SLC25A13: variants seen among roughly 807,000 people sequenced by gnomAD.
SLC25A13 encodes electrogenic aspartate/glutamate antiporter SLC25A13, mitochondrial.
A neutral mutation model predicts 85.5 loss-of-function variants in SLC25A13; 70 were observed. The observed-to-expected ratio is 0.82, with a 90% CI of 0.68 to 1.00. The LOEUF (loss-of-function observed/expected upper bound fraction) is 1.00. Among genes scored for constraint, SLC25A13 ranks in the 50% least tolerant of loss-of-function variants. SLC25A13 has a pLI of 0.00. For synonymous variants in SLC25A13, 259 were observed against 288.7 expected, an observed-to-expected ratio of 0.90 and a Z score of 1.04; for missense variants, 765 against 819.8, an observed-to-expected ratio of 0.93 and a Z score of 0.82.
intron 1 of SLC25A13, among the ~76,000 whole-genome samples, chr7:96,310,453 CA>C (rs2094609923): frequency 6.6e-6 from 1 of 152,218 alleles, no homozygotes; most frequent in Admixed American, 6.5e-5. Context: ...TGCATAATAT[CA>C]GTCGGTAACA....
chr7:96,190,415 C>T (rs1794802027), intron 7 of SLC25A13, among the ~76,000 whole-genome samples: 1 of 151,714 alleles, frequency 6.6e-6, no homozygotes, highest in East Asian at 2.0e-4. Flanking sequence ...AATCCCATTA[C>T]AATGCTGATA....
At chr7:96,301,388 A>G (rs1799542504) in intron 1 of SLC25A13, among the ~76,000 whole-genome samples, 1 of 152,160 alleles carries the variant, frequency 6.6e-6, no homozygotes, top group African/African-American at 2.4e-5. Flanking sequence ...TTTCTTTATG[A>G]TTCTTCTTCT....
chr7:96,146,597 G>C lies in SLC25A13; in HGVS notation c.1411C>G (p.Leu471Val), dbSNP rs1379185703. ...AACCCCAGGTCCCGCACGACAGACAGAGCACTGACTCGAGGACCAGTGGTG... is the reference window on the plus strand; with the variant it reads ...AACCCCAGGTCCCGCACGACAGACACAGCACTGACTCGAGGACCAGTGGTG... Reference protein sequence around the residue: ...EITTGPRVSALSVVRDLGFFG... With the variant: ...EITTGPRVSAVSVVRDLGFFG... Residue 471 changes from leucine to valine, a missense_variant, in exon 14 of 18, where the codon CTG becomes GTG. Physicochemically the swap from Leu to Val is conservative, Grantham distance 32 (BLOSUM62 1). Coordinates refer to ENST00000265631, the MANE Select transcript of SLC25A13 (RefSeq NM_014251.3). The C allele has an allele frequency of 1.2e-6, 2 of 1,613,502 alleles. No homozygotes were observed. Among genetic ancestry groups the C allele is most frequent in the African/African-American group, 2.7e-5 (2 of 74,726 alleles).
At chr7:96,193,781 C>T (rs1794950583) in intron 5 of SLC25A13, among the ~76,000 whole-genome samples, 1 of 152,144 alleles carries the variant, frequency 6.6e-6, no homozygotes, top group South Asian at 2.1e-4. Context: ...ACAAGTAGCC[C>T]CTTCCCTCTA....
chr7:96,296,835 T>C (rs906794967), intron 2 of SLC25A13, 63 bp downstream of exon 2: 77 of 1,464,250 alleles, frequency 5.3e-5, no homozygotes, highest in African/African-American at 7.0e-5. Flanking sequence ...TGTTTGAAAA[T>C]AATATTTAAA....
chr7:96,303,514 A>G (rs1799629300), intron 1 of SLC25A13, among the ~76,000 whole-genome samples: 1 of 152,184 alleles, frequency 6.6e-6, no homozygotes, highest in South Asian at 2.1e-4. Flanking sequence ...ACTTAGAAGC[A>G]GGGGCCCACC....
chr7:96,134,793 T>TTTTATATATATATATATA (rs940988441), intron 14 of SLC25A13, among the ~76,000 whole-genome samples: 1 of 102,250 alleles, frequency 9.8e-6, no homozygotes, highest in African/African-American at 4.1e-5. Flanking sequence ...ACAAACAATT[T>TTTTATATATATATATATA]TATATATATA....
intron 3 of SLC25A13, among the ~76,000 whole-genome samples, chr7:96,263,124 TTGCCTCTC>T (rs1194819085): frequency 6.6e-6 from 1 of 152,088 alleles, no homozygotes; most frequent in Non-Finnish European, 1.5e-5. Flanking sequence ...CCAAGCTTCC[TTGCCTCTC>T]TGCAAAGATC....
chr7:96,184,182 A>T, intron 11 of SLC25A13, 95 bp downstream of exon 11: 1 of 1,445,848 alleles, frequency 6.9e-7, no homozygotes, highest in Non-Finnish European at 9.7e-7. Context: ...TTTCCATTTT[A>T]ACGCAGTCTT....
intron 3 of SLC25A13, among the ~76,000 whole-genome samples, chr7:96,263,346 T>C (rs1797928935): frequency 6.6e-6 from 1 of 152,206 alleles, no homozygotes; most frequent in Non-Finnish European, 1.5e-5. Context: ...TAGAATTCAG[T>C]GTATAGTGAC....
chr7:96,168,122 A>AGG (rs1793842882), intron 13 of SLC25A13, among the ~76,000 whole-genome samples: 6 of 145,296 alleles, frequency 4.1e-5, no homozygotes, highest in Non-Finnish European at 7.5e-5. Context: ...AAAAAAAAAA[A>AGG]AAAAAAAGCA....
intron 5 of SLC25A13, among the ~76,000 whole-genome samples, chr7:96,197,008 T>C (rs1795088587): frequency 1.3e-5 from 2 of 152,172 alleles, no homozygotes; most frequent in African/African-American, 2.4e-5. Context: ...TAGGTACTAT[T>C]ATTAACCTCA....
intron 15 of SLC25A13, among the ~76,000 whole-genome samples, chr7:96,128,469 A>G (rs1002566539): frequency 6.6e-6 from 1 of 152,284 alleles, no homozygotes; most frequent in Non-Finnish European, 1.5e-5. Context: ...CAGTTTTTAT[A>G]GTTTTGTAGA....
chr7:96,251,815 T>C (rs1797439784), intron 3 of SLC25A13, among the ~76,000 whole-genome samples: 1 of 152,254 alleles, frequency 6.6e-6, no homozygotes, highest in Non-Finnish European at 1.5e-5. Context: ...ACTATCTTAC[T>C]GCCCATTTGA....
chr7:96,140,282 A>G lies in SLC25A13; in HGVS notation c.1452+6274T>C, dbSNP rs970851524. On this transcript the variant is annotated intron_variant, in intron 14 of 17. Transcript: ENST00000265631. ...CTGATTTCCATTCTTTTGGATGTAC[A>G]CCCAGAAGGGGGATTGCTGGATCAT... Among the ~76,000 whole-genome samples the G allele has an allele frequency of 3.5e-4, 53 of 151,194 alleles. 1 individual carries two copies. Among genetic ancestry groups the G allele is most frequent in the Non-Finnish European group, 1.2e-4 (8 of 67,834 alleles).
chr7:96,224,624 G>A (rs554821976), intron 4 of SLC25A13, among the ~76,000 whole-genome samples: 1 of 152,332 alleles, frequency 6.6e-6, no homozygotes, highest in African/African-American at 2.4e-5. Context: ...AAGTTATCCA[G>A]ATAGCTGGAA....
In SLC25A13 at chr7:96,129,383, A is replaced by G. The variant is rs929633872; in HGVS notation, c.1591+2360T>C. ...ACCACAGGGATGCCAACTACTTAAAACTCTCAAGAATAATGGGTCAATGAC... is the reference window on the plus strand; with the variant it reads ...ACCACAGGGATGCCAACTACTTAAAGCTCTCAAGAATAATGGGTCAATGAC... On this transcript the variant is annotated intron_variant, in intron 15 of 17. Transcript: ENST00000265631. 2.0e-5 allele frequency among the ~76,000 whole-genome samples: 3 copies of G among 152,026 alleles called. No individual in the cohort carries two copies. In the South Asian group the frequency reaches 6.2e-4, roughly 32 times the overall value.
intron 4 of SLC25A13, among the ~76,000 whole-genome samples, chr7:96,217,523 C>A (rs539785549): frequency 6.6e-6 from 1 of 152,046 alleles, no homozygotes; most frequent in African/African-American, 2.4e-5. Flanking sequence ...TGTGACCTAT[C>A]TATATCTACA....
chr7:96,191,731 ACCAG>A (rs1325354670), intron 6 of SLC25A13, among the ~76,000 whole-genome samples: 4 of 152,206 alleles, frequency 2.6e-5, no homozygotes, highest in Non-Finnish European at 5.9e-5. Flanking sequence ...GTTACTTATA[ACCAG>A]TAATAAATAA....
Sources: gnomAD v4.1 joint callset for allele counts (sites outside exome capture counted in the v4.1 genomes callset) on GRCh38, gnomAD v4.1.1 for gene constraint, MANE v1.5 for transcripts, NCBI Gene and HGNC (gene_info 2026-07-23, HGNC 2026-07-21) for gene names.